Variants in AK5 observed in about 807,000 individuals in gnomAD.
The protein encoded by AK5 is adenylate kinase 5.
Under a neutral mutation model 69.5 loss-of-function variants are expected in AK5, and 27 were observed. The ratio of observed to expected loss-of-function variants is 0.39; its 90% CI spans 0.29 to 0.54. The LOEUF is 0.54. Among genes scored for constraint, AK5 ranks in the 20% least tolerant of loss-of-function variants. The probability of loss-of-function intolerance (pLI) is 0.71; values close to 1 mark genes in which losing one functional copy is unlikely to be tolerated. For synonymous variants in AK5, 260 were observed against 244.4 expected (o/e 1.06, Z -0.60); for missense variants, 531 against 700.4 (o/e 0.76, Z 2.73).
At chr1:77,364,305 A>T (rs2100446023) in intron 6 of AK5, among the ~76,000 whole-genome samples, 1 of 152,310 alleles carries the variant, frequency 6.6e-6, no homozygotes, top group South Asian at 2.1e-4. Flanking sequence ...CAGTACATGT[A>T]AGGTGCAATG....
chr1:77,286,350 G>A (rs143740844), intron 1 of AK5, among the ~76,000 whole-genome samples: 420 of 149,846 alleles, frequency 2.8e-3, no homozygotes, highest in Non-Finnish European at 5.0e-3. Context: ...GAAGTGAATG[G>A]CTCTTCCATT....
At chr1:77,426,594 G>T (rs1485700165) in intron 8 of AK5, among the ~76,000 whole-genome samples, 1 of 152,108 alleles carries the variant, frequency 6.6e-6, no homozygotes, top group Non-Finnish European at 1.5e-5. Context: ...AATCAATAAG[G>T]TTGTAGTTGA....
intron 5 of AK5, among the ~76,000 whole-genome samples, chr1:77,322,706 C>G (rs889686506): frequency 6.6e-6 from 1 of 150,624 alleles, no homozygotes; most frequent in Non-Finnish European, 1.5e-5. Flanking sequence ...AGCTAAATTA[C>G]GCACCTTACT....
intron 5 of AK5, among the ~76,000 whole-genome samples, chr1:77,309,833 C>A (rs565724969): frequency 6.6e-6 from 1 of 151,954 alleles, no homozygotes; most frequent in Admixed American, 6.6e-5. Flanking sequence ...TTTTTAAAAT[C>A]GATTTGGATG....
intron 5 of AK5, among the ~76,000 whole-genome samples, chr1:77,321,675 GC>G (rs1284489416): frequency 1.3e-5 from 2 of 152,114 alleles, no homozygotes; most frequent in African/African-American, 4.8e-5. Flanking sequence ...GTTGAGTGCT[GC>G]CCCCTAATAT....
At chr1:77,500,359 C>T (rs1324116856) in intron 10 of AK5, among the ~76,000 whole-genome samples, 1 of 152,136 alleles carries the variant, frequency 6.6e-6, no homozygotes, top group African/African-American at 2.4e-5. Context: ...TAGCTGGCAC[C>T]ATGAGGAAGC....
chr1:77,333,598 A>T lies in AK5; in HGVS notation c.700-6779A>T, dbSNP rs925455538. Among the ~76,000 whole-genome samples, 15 of 141,880 alleles carry T rather than the reference A, an allele frequency of 1.1e-4. No homozygotes were observed. The Admixed American group carries it at 1.1e-3, about 11-fold the overall frequency. The allele number at this position is 141,880 out of a possible 152,430, so 93.1% of individuals were successfully genotyped here. On this transcript the variant is annotated intron_variant, in intron 5 of 13. Transcript: ENST00000354567. Reference sequence around the variant, plus strand: ...TTATGTGACAACTTTTTTTGTGATTATTCTAGAGCAGGGGTCAGCAAACTA... The same window carrying T: ...TTATGTGACAACTTTTTTTGTGATTTTTCTAGAGCAGGGGTCAGCAAACTA...
intron 8 of AK5, among the ~76,000 whole-genome samples, chr1:77,470,848 TATATATA>T (rs1654429080): frequency 1.6e-4 from 2 of 12,840 alleles, no homozygotes; most frequent in Non-Finnish European, 3.4e-4. Context: ...TATATATATA[TATATATA>T]TATATATATA....
rs114737427 is a variant in AK5, at chr1:77,469,349, G to A, written c.1060-13968G>A. ...CTACAATCAGTTGACTTTGAGGAGA[G>A]TTCCTCGATAACCTGGGTGAGCTTC... On this transcript the variant is annotated intron_variant, in intron 8 of 13. Transcript: ENST00000354567. Among the ~76,000 whole-genome samples the A allele has an allele frequency of 7.9e-4, 121 of 152,320 alleles. 2 individuals are homozygous for A. The highest frequency in any genetic ancestry group is 2.8e-3 in the African/African-American group (118 of 41,574).
At chr1:77,451,809 C>G (rs1390171893) in intron 8 of AK5, among the ~76,000 whole-genome samples, 6 of 152,196 alleles carry the variant, frequency 3.9e-5, no homozygotes, top group African/African-American at 7.2e-5. Context: ...TGGTGCCTGT[C>G]CAGAGAAATC....
chr1:77,545,017 G>A (rs1025470707), intron 13 of AK5, among the ~76,000 whole-genome samples: 3 of 152,122 alleles, frequency 2.0e-5, no homozygotes, highest in Non-Finnish European at 4.4e-5. Flanking sequence ...ATCACAAGGC[G>A]CTGGAAAATT....
At chr1:77,439,880 C>T (rs1282177802) in intron 8 of AK5, among the ~76,000 whole-genome samples, 1 of 149,244 alleles carries the variant, frequency 6.7e-6, no homozygotes, top group Non-Finnish European at 1.5e-5. Context: ...AGGTTGATTC[C>T]ATATCTTTGT....
intron 10 of AK5, among the ~76,000 whole-genome samples, chr1:77,495,929 G>A (rs1282494499): frequency 6.6e-6 from 1 of 152,198 alleles, no homozygotes; most frequent in Non-Finnish European, 1.5e-5. Flanking sequence ...ATGGCTTTGG[G>A]TGAATTTTGT....
At chr1:77,321,878 GA>G (rs1660552748) in intron 5 of AK5, among the ~76,000 whole-genome samples, 2 of 152,112 alleles carry the variant, frequency 1.3e-5, no homozygotes, top group Admixed American at 1.3e-4. Flanking sequence ...TGTTTACAAA[GA>G]AAATCCTAAG....
chr1:77,460,850 A>G (rs996236434), intron 8 of AK5, among the ~76,000 whole-genome samples: 1 of 151,578 alleles, frequency 6.6e-6, no homozygotes, highest in Admixed American at 6.6e-5. Flanking sequence ...CAGCCTCCCA[A>G]GTAGCTAGGA....
At chr1:77,334,812 G>C (rs927212373) in intron 5 of AK5, among the ~76,000 whole-genome samples, 1 of 152,134 alleles carries the variant, frequency 6.6e-6, no homozygotes, top group Non-Finnish European at 1.5e-5. Flanking sequence ...ACAAAAGCCT[G>C]GGGGTGGGGT....
intron 8 of AK5, among the ~76,000 whole-genome samples, chr1:77,428,824 A>G (rs1351641939): frequency 2.6e-5 from 4 of 151,984 alleles, no homozygotes; most frequent in South Asian, 2.1e-4. Flanking sequence ...TCATTGTTCA[A>G]TTCCCACCTA....
At chr1:77,307,887 C>T (rs895575221) in intron 5 of AK5, among the ~76,000 whole-genome samples, 1 of 152,136 alleles carries the variant, frequency 6.6e-6, no homozygotes, top group South Asian at 2.1e-4. Flanking sequence ...TTAGTGCTCA[C>T]CTGGTTTTCG....
rs139371844 is a variant in AK5, at chr1:77,293,874, C to T, written c.329C>T (p.Thr110Met). 1.9e-6 allele frequency: 3 copies of T among 1,613,704 alleles called. No homozygotes were observed. The highest frequency in any genetic ancestry group is 1.3e-5 in the African/African-American group (1 of 75,006). The change falls in exon 3 of 14, where the codon ACG becomes ATG. Residue 110 changes from threonine to methionine, a missense_variant. Coordinates refer to ENST00000354567, the MANE Select transcript of AK5 (RefSeq NM_174858.3). ...CATCAATTCTCCATAGAAAGTGACA[C>T]GGATCTCTCTGAGACTGCAGAGTTG... The part of the protein sequence containing the change: ...PIHQFSIESD[T>M]DLSETAELIE...
Sources: gnomAD v4.1 joint callset for allele counts (sites outside exome capture counted in the v4.1 genomes callset) on GRCh38, gnomAD v4.1.1 for gene constraint, MANE v1.5 for transcripts, NCBI Gene and HGNC (gene_info 2026-07-23, HGNC 2026-07-21) for gene names.